The following NAP1L1 variants were observed in gnomAD, a reference collection of about 807,000 sequenced individuals.
NAP1L1 encodes nucleosome assembly protein 1-like 1.
NAP1L1 carries 9 observed loss-of-function variants against 58.9 expected under a neutral mutation model. The ratio of observed to expected loss-of-function variants is 0.15; its 90% CI spans 0.09 to 0.27. NAP1L1 has a LOEUF of 0.27. NAP1L1 is among the 10% of genes least tolerant of loss of function. The pLI, the probability that NAP1L1 is intolerant of heterozygous loss-of-function variation, is 1.00. For missense variants in NAP1L1, 302 were observed against 458.8 expected (o/e 0.66, Z 3.12); for synonymous variants, 130 against 138.3 (o/e 0.94, Z 0.42).
intron 6 of NAP1L1, among the ~76,000 whole-genome samples, chr12:76,058,849 T>A (rs1949270670): frequency 6.6e-6 from 1 of 152,252 alleles, no homozygotes; most frequent in Non-Finnish European, 1.5e-5. Context: ...GTGATAGTTT[T>A]GAGATGGGTG....
In NAP1L1 at chr12:76,067,714, C is replaced by T. The variant is rs1949746562; in HGVS notation, c.104-241G>A. ...ACAGTTCTCAAGGCCACTGCCACAA[C>T]TATATGAACAATATCCTTTCTCTTC... On this transcript the variant is annotated intron_variant, in intron 3 of 14. Transcript: ENST00000618691. 3 of 386,314 alleles carry T rather than the reference C, an allele frequency of 7.8e-6. No homozygotes were observed. In the East Asian group the frequency reaches 1.1e-4, roughly 15 times the overall value. The allele number at this position is 386,314 out of a possible 1,614,324, so 23.9% of individuals were successfully genotyped here.
rs972808122 is a variant in NAP1L1 at position 76,044,791 on chromosome 12, T to G, written c.*3638A>C. The G allele has an allele frequency of 6.6e-6, 1 of 152,226 alleles. No individual in the cohort carries two copies. The highest frequency in any genetic ancestry group is 2.4e-5 in the African/African-American group (1 of 41,452). The allele number at this position is 152,226 out of a possible 1,614,324, so 9.4% of individuals were successfully genotyped here. The stretch of plus-strand genomic sequence containing the variant: ...GAAAATATACATCAATCAAAATTTC[T>G]TATGAATACTTATCCTTGAGTAAAA... On this transcript the variant is annotated 3_prime_UTR_variant, in exon 15 of 15. Transcript: ENST00000618691.
At chr12:76,079,505 A>T (rs886735801) in intron 1 of NAP1L1, among the ~76,000 whole-genome samples, 17 of 152,202 alleles carry the variant, frequency 1.1e-4, no homozygotes, top group African/African-American at 4.1e-4. Flanking sequence ...GTAATGTAAA[A>T]GACAGTTTCA....
At chr12:76,081,718 T>C (rs770570186) in intron 1 of NAP1L1, among the ~76,000 whole-genome samples, 7 of 152,226 alleles carry the variant, frequency 4.6e-5, no homozygotes, top group East Asian at 3.8e-4. Flanking sequence ...GCAAGCCCAC[T>C]AATGTACTCT....
At position 76,042,953 on chromosome 12, in the gene NAP1L1, A is replaced by G. The variant is rs898886265; in HGVS notation, c.*5476T>C. The G allele has an allele frequency of 1.3e-5, 2 of 152,324 alleles. No homozygotes were observed. The highest frequency in any genetic ancestry group is 3.9e-4 in the East Asian group (2 of 5,178). 9.4% of individuals were successfully genotyped at this position (152,324 alleles called of 1,614,324 possible). The stretch of plus-strand genomic sequence containing the variant: ...GAGTTGAAGGAAAGCTGTAATATTG[A>G]TAAGTTACCCCAAAACACCAATCTG... On this transcript the variant is annotated 3_prime_UTR_variant, in exon 15 of 15. Transcript: ENST00000618691.
At position 76,037,346 on chromosome 12, in the gene NAP1L1, C is replaced by T. The variant is rs564408819; in HGVS notation, c.*11083G>A. On this transcript the variant is annotated 3_prime_UTR_variant, in exon 15 of 15. Transcript: ENST00000618691. Reference sequence around the variant, plus strand: ...TAAAGCAAGTGCTTTATAATGAGTGCTTAGCGCTTTTTTTTAACTGTAGTA... The same window carrying T: ...TAAAGCAAGTGCTTTATAATGAGTGTTTAGCGCTTTTTTTTAACTGTAGTA... The T allele has an allele frequency of 6.6e-6, 1 of 152,326 alleles. No homozygotes were observed. The highest frequency in any genetic ancestry group is 6.5e-5 in the Admixed American group (1 of 15,288). The allele number at this position is 152,326 out of a possible 1,614,324, so 9.4% of individuals were successfully genotyped here.
intron 4 of NAP1L1, among the ~76,000 whole-genome samples, chr12:76,062,422 C>A (rs1354602495): frequency 6.6e-6 from 1 of 152,064 alleles, no homozygotes; most frequent in African/African-American, 2.4e-5. Flanking sequence ...TGTGCTGGAG[C>A]TCAGAGAATA....
chr12:76,053,235 A>T lies in NAP1L1; in HGVS notation c.886T>A (p.Ser296Thr). The change falls in exon 10 of 15, where the codon TCT (serine) becomes ACT (threonine). Residue 296 changes from serine (S) to threonine (T), a missense_variant. Physicochemically the swap from Ser to Thr is moderately conservative, Grantham distance 58 (BLOSUM62 1). Coordinates refer to ENST00000618691, the MANE Select transcript of NAP1L1 (RefSeq NM_004537.7). Reference protein sequence around the residue: ...RTVTKTVSNDSFFNFFAPPEV... With the variant: ...RTVTKTVSNDTFFNFFAPPEV... ...GGAGGGGCAAAAAAGTTAAAGAAAG[A>T]GTCATTGGAAACTGTTTTAGTCACA... 2 of 1,614,016 alleles carry T rather than the reference A, an allele frequency of 1.2e-6. No individual in the cohort carries two copies. The highest frequency in any genetic ancestry group is 1.7e-6 in the Non-Finnish European group (2 of 1,179,946).
chr12:76,049,071 A>T, intron 14 of NAP1L1, 129 bp downstream of exon 14: 1 of 913,822 alleles, frequency 1.1e-6, no homozygotes, highest in Non-Finnish European at 1.7e-6. Flanking sequence ...GGACTGAAAA[A>T]ACAAAGTTAT....
intron 1 of NAP1L1, among the ~76,000 whole-genome samples, chr12:76,079,277 G>C (rs1002544558): frequency 6.6e-6 from 1 of 152,140 alleles, no homozygotes; most frequent in African/African-American, 2.4e-5. Flanking sequence ...TATAGTCTCA[G>C]CACTTTGGAA....
At chr12:76,060,849 T>C (rs1422036051) in intron 4 of NAP1L1, among the ~76,000 whole-genome samples, 3 of 152,226 alleles carry the variant, frequency 2.0e-5, no homozygotes, top group Non-Finnish European at 4.4e-5. Context: ...TCCCAGCACC[T>C]TGGGAAGCCG....
rs1191999585 is a variant in NAP1L1, at chr12:76,039,117, T to G, written c.*9312A>C. ...CAGGATATCCTTGATCAAATAATCCTTTTCTAAATCAACTTATTTCGACAT... is the reference window on the plus strand; with the variant it reads ...CAGGATATCCTTGATCAAATAATCCGTTTCTAAATCAACTTATTTCGACAT... On this transcript the variant is annotated 3_prime_UTR_variant, in exon 15 of 15. Coordinates refer to ENST00000618691, the MANE Select transcript of NAP1L1 (RefSeq NM_004537.7). 6.6e-6 allele frequency: 1 copy of G among 152,218 alleles called. No homozygotes were observed. Among genetic ancestry groups the G allele is most frequent in the Non-Finnish European group, 1.5e-5 (1 of 68,034 alleles). The allele number at this position is 152,218 out of a possible 1,614,324, so 9.4% of individuals were successfully genotyped here.
At chr12:76,060,402 AG>A in intron 4 of NAP1L1, 123 bp from the exon 5 acceptor site, 1 of 903,732 alleles carries the variant, frequency 1.1e-6, no homozygotes, top group South Asian at 1.9e-5. Context: ...AGCAAAAGGT[AG>A]ATTCAAAGTA....
chr12:76,064,441 AG>A (rs1949568766), intron 4 of NAP1L1, among the ~76,000 whole-genome samples: 1 of 152,198 alleles, frequency 6.6e-6, no homozygotes, highest in Admixed American at 6.5e-5. Flanking sequence ...CATTTACAAA[AG>A]TAAGAGTATT....
At position 76,068,909 on chromosome 12, in the gene NAP1L1, C is replaced by T. The variant is rs1266051118; in HGVS notation, c.103G>A (p.Ala35Thr). The part of the protein sequence containing the change: ...EETGEETKLK[A>T]RQLTVQMMQN... ...CTCCTGAAGTAATTTAAAGTAATAC[C>T]TTTGAGTTTTGTTTCTTCACCAGTT... The change falls in exon 3 of 15, where the codon GCA becomes ACA. Residue 35 changes from alanine (A) to threonine (T), a missense_variant and splice_region_variant. By Grantham distance (58) the Ala-to-Thr change is moderately conservative (BLOSUM62 0). Coordinates refer to ENST00000618691, the MANE Select transcript of NAP1L1 (RefSeq NM_004537.7). The T allele has an allele frequency of 6.2e-7, 1 of 1,604,862 alleles. No individual in the cohort carries two copies. Among genetic ancestry groups the T allele is most frequent in the Non-Finnish European group, 8.5e-7 (1 of 1,172,418 alleles).
intron 7 of NAP1L1, among the ~76,000 whole-genome samples, chr12:76,055,379 T>C (rs963359945): frequency 6.6e-6 from 1 of 152,150 alleles, no homozygotes; most frequent in Admixed American, 6.5e-5. Context: ...TTTTAAAATG[T>C]TTCCTGATTG....
chr12:76,077,299 T>C (rs1018145881), intron 1 of NAP1L1, among the ~76,000 whole-genome samples: 1 of 152,226 alleles, frequency 6.6e-6, no homozygotes, highest in Non-Finnish European at 1.5e-5. Flanking sequence ...GGCTACATTG[T>C]ATTTCTTGGT....
At chr12:76,074,663 A>G (rs756012819) in intron 1 of NAP1L1, among the ~76,000 whole-genome samples, 1 of 152,190 alleles carries the variant, frequency 6.6e-6, no homozygotes, top group African/African-American at 2.4e-5. Context: ...CCATTTATCC[A>G]TTTCGTATTT....
intron 6 of NAP1L1, among the ~76,000 whole-genome samples, chr12:76,058,707 T>G (rs1259275709): frequency 1.3e-5 from 2 of 152,152 alleles, no homozygotes; most frequent in East Asian, 3.9e-4. Context: ...CTCTTTTTAT[T>G]TTTTGAAAAA....
Sources: gnomAD v4.1 joint callset for allele counts (sites outside exome capture counted in the v4.1 genomes callset) on GRCh38, gnomAD v4.1.1 for gene constraint, MANE v1.5 for transcripts, NCBI Gene and HGNC (gene_info 2026-07-23, HGNC 2026-07-21) for gene names.